Variants in EPHA6 observed in about 807,000 individuals in gnomAD.
EPHA6 encodes the protein ephrin type-A receptor 6.
EPHA6 carries 50 observed loss-of-function variants against 112.0 expected under a neutral mutation model. That is an observed-to-expected ratio of 0.45 (90% CI 0.36 to 0.56). The LOEUF is 0.56. EPHA6 is among the 20% of genes least tolerant of loss of function. The pLI is 0.00. For missense variants in EPHA6, 1,280 were observed against 1,417.4 expected, an observed-to-expected ratio of 0.90 and a Z score of 1.56; for synonymous variants, 529 against 490.7, an observed-to-expected ratio of 1.08 and a Z score of -1.03.
intron 11 of EPHA6, among the ~76,000 whole-genome samples, chr3:97,588,406 C>A (rs1447698373): frequency 2.0e-5 from 3 of 152,052 alleles, no homozygotes; most frequent in Non-Finnish European, 4.4e-5. Context: ...ACTTATAGAT[C>A]TTAATGTGTA....
At chr3:96,920,917 C>T (rs1191578873) in intron 2 of EPHA6, among the ~76,000 whole-genome samples, 1 of 151,846 alleles carries the variant, frequency 6.6e-6, no homozygotes, top group Non-Finnish European at 1.5e-5. Context: ...TTAAGGGGAA[C>T]AAAATTTTAT....
intron 6 of EPHA6, among the ~76,000 whole-genome samples, chr3:97,444,084 A>G (rs1010533787): frequency 6.6e-6 from 1 of 152,186 alleles, no homozygotes; most frequent in African/African-American, 2.4e-5. Flanking sequence ...TATTATGAAG[A>G]TTAGATTTTA....
At chr3:97,232,881 C>A (rs971628061) in intron 4 of EPHA6, among the ~76,000 whole-genome samples, 2 of 152,082 alleles carry the variant, frequency 1.3e-5, no homozygotes, top group African/African-American at 4.8e-5. Context: ...CGGGAGGGGC[C>A]ACATGCACAG....
At chr3:97,496,705 A>C (rs770203620) in intron 10 of EPHA6, among the ~76,000 whole-genome samples, 2 of 151,910 alleles carry the variant, frequency 1.3e-5, no homozygotes, top group Admixed American at 1.3e-4. Context: ...GTCTGTAGTC[A>C]CTTTCCAACT....
At chr3:97,301,739 GAA>G (rs1253934575) in intron 5 of EPHA6, among the ~76,000 whole-genome samples, 1 of 152,018 alleles carries the variant, frequency 6.6e-6, no homozygotes, top group Non-Finnish European at 1.5e-5. Flanking sequence ...GCTTTTATAT[GAA>G]TATCTTTATT....
At chr3:96,901,142 T>C (rs9822835) in intron 2 of EPHA6, among the ~76,000 whole-genome samples, 33,255 of 152,056 alleles carry the variant, frequency 0.22, 6,377 homozygotes, top group African/African-American at 0.49. Flanking sequence ...GAGACTAAAA[T>C]TCATGGAGAA....
rs561769576 is a variant in EPHA6 at position 96,904,656 on chromosome 3, T to C, written c.450+37767T>C. 3.9e-5 allele frequency among the ~76,000 whole-genome samples: 6 copies of C among 152,244 alleles called. 1 individual carries two copies. The East Asian group carries it at 1.2e-3, about 29-fold the overall frequency. On this transcript the variant is annotated intron_variant, in intron 2 of 17. Transcript: ENST00000389672. ...TAAATGTTTTTGTTGAAGTTTATTT[T>C]ATTGAAAATTCTCAGGGAGACTGCA...
chr3:97,130,443 AT>A (rs1418195567), intron 3 of EPHA6, among the ~76,000 whole-genome samples: 13 of 152,056 alleles, frequency 8.5e-5, no homozygotes, highest in Admixed American at 7.2e-4. Flanking sequence ...CATGTTAATG[AT>A]TTTGTTTTTT....
chr3:97,525,120 A>G (rs547362648), intron 10 of EPHA6, among the ~76,000 whole-genome samples: 3 of 152,232 alleles, frequency 2.0e-5, no homozygotes, highest in African/African-American at 7.2e-5. Context: ...GGATACTCTC[A>G]TAAATTTTAT....
In EPHA6 at chr3:97,610,782, C is replaced by T; in HGVS notation, c.2513-11C>T. Reference sequence around the variant, plus strand: ...GCTCTAATCCATGTGTATTCTCTTGCTCTTTTGCAGGCAGACCAGTAATGA... The same window carrying T: ...GCTCTAATCCATGTGTATTCTCTTGTTCTTTTGCAGGCAGACCAGTAATGA... On this transcript the variant is annotated splice_polypyrimidine_tract_variant and intron_variant, in intron 12 of 17. Coordinates refer to ENST00000389672, the MANE Select transcript of EPHA6 (RefSeq NM_001080448.3). 1.9e-6 allele frequency: 3 copies of T among 1,609,436 alleles called. No homozygotes were observed. Among genetic ancestry groups the T allele is most frequent in the South Asian group, 1.1e-5 (1 of 90,714 alleles).
intron 2 of EPHA6, among the ~76,000 whole-genome samples, chr3:96,958,471 T>C (rs554243424): frequency 4.4e-4 from 67 of 152,194 alleles, no homozygotes; most frequent in Admixed American, 2.0e-3. Context: ...TGTAAATCTC[T>C]AGTACAGTGG....
intron 1 of EPHA6, among the ~76,000 whole-genome samples, chr3:96,860,383 G>T (rs1360312535): frequency 6.6e-6 from 1 of 151,686 alleles, no homozygotes; most frequent in Middle Eastern, 3.2e-3. Flanking sequence ...AACGGTTTCA[G>T]TAGTTTCTTT....
intron 3 of EPHA6, among the ~76,000 whole-genome samples, chr3:97,102,100 GA>G (rs1342005678): frequency 1.3e-5 from 2 of 152,028 alleles, no homozygotes; most frequent in Middle Eastern, 3.2e-3. Context: ...TTGGTACTCA[GA>G]CACTCTCTGG....
intron 2 of EPHA6, among the ~76,000 whole-genome samples, chr3:96,940,918 A>G (rs1576112013): frequency 6.6e-6 from 1 of 152,124 alleles, no homozygotes; most frequent in East Asian, 1.9e-4. Context: ...AGAATGTTGG[A>G]TATTAGTCCC....
intron 13 of EPHA6, among the ~76,000 whole-genome samples, chr3:97,625,943 T>C (rs1428314213): frequency 6.6e-6 from 1 of 151,732 alleles, no homozygotes; most frequent in Non-Finnish European, 1.5e-5. Flanking sequence ...ATGAGGAACA[T>C]GCATAAATTG....
At chr3:97,667,358 AC>A (rs2030250321) in intron 14 of EPHA6, among the ~76,000 whole-genome samples, 1 of 152,220 alleles carries the variant, frequency 6.6e-6, no homozygotes. Context: ...TGAAAATGTG[AC>A]ATTATAGAAT....
chr3:97,545,134 C>G (rs2092926530), intron 11 of EPHA6, among the ~76,000 whole-genome samples: 1 of 152,060 alleles, frequency 6.6e-6, no homozygotes, highest in African/African-American at 2.4e-5. Flanking sequence ...TCTTGCTTTT[C>G]TAGTTCTTTT....
At chr3:97,194,021 AC>A (rs1576658577) in intron 3 of EPHA6, among the ~76,000 whole-genome samples, 1 of 151,974 alleles carries the variant, frequency 6.6e-6, no homozygotes. Context: ...ATTCAAAAAA[AC>A]AACTTTTCAT....
At chr3:97,706,651 G>A (rs2033691532) in intron 14 of EPHA6, among the ~76,000 whole-genome samples, 1 of 152,084 alleles carries the variant, frequency 6.6e-6, no homozygotes, top group Non-Finnish European at 1.5e-5. Flanking sequence ...TTCTCTGAAG[G>A]GGTGTCCTAG....
Sources: gnomAD v4.1 joint callset for allele counts (sites outside exome capture counted in the v4.1 genomes callset) on GRCh38, gnomAD v4.1.1 for gene constraint, MANE v1.5 for transcripts, NCBI Gene and HGNC (gene_info 2026-07-23, HGNC 2026-07-21) for gene names.